The following NRG1 variants were observed in gnomAD, a reference collection of about 807,000 sequenced individuals.
NRG1 encodes the protein neuregulin 1, also known as pro-neuregulin-1, membrane-bound isoform.
A neutral mutation model predicts 63.8 loss-of-function variants in NRG1; 18 were observed. The ratio of observed to expected loss-of-function variants is 0.28; its 90% CI spans 0.19 to 0.42. The LOEUF (loss-of-function observed/expected upper bound fraction) is 0.42, where lower values mean the gene tolerates loss of function less well. Ranked by LOEUF, NRG1 falls within the 10% of genes least tolerant of loss-of-function variation. The pLI, the probability that NRG1 is intolerant of heterozygous loss-of-function variation, is 1.00. For synonymous variants in NRG1, 302 were observed against 301.3 expected (o/e 1.00, Z -0.02); for missense variants, 762 against 814.7 (o/e 0.94, Z 0.79).
chr8:32,128,212 C>T (rs560760489), intron 1 of NRG1, among the ~76,000 whole-genome samples: 2 of 151,890 alleles, frequency 1.3e-5, no homozygotes, highest in Admixed American at 6.6e-5. Flanking sequence ...TGTGTGCTTG[C>T]GGAGAAAAAG....
intron 1 of NRG1, among the ~76,000 whole-genome samples, chr8:31,885,579 C>A (rs547390976): frequency 6.6e-6 from 1 of 152,178 alleles, no homozygotes; most frequent in Admixed American, 6.6e-5. Flanking sequence ...TTCTGCTTCC[C>A]GCAGTGGCAC....
intron 5 of NRG1, among the ~76,000 whole-genome samples, chr8:32,707,724 G>A (rs975601681): frequency 4.1e-4 from 9 of 21,986 alleles, no homozygotes; most frequent in African/African-American, 8.5e-4. Flanking sequence ...GTGGCATTTT[G>A]AGATTTTTTT....
At chr8:32,209,712 CCCTTCCTTCCTTCCTTCCTT>C (rs200085311) in intron 1 of NRG1, among the ~76,000 whole-genome samples, 2,849 of 131,978 alleles carry the variant, frequency 0.022, 105 homozygotes, top group African/African-American at 0.075. Flanking sequence ...TTCTCTCTTT[CCCTTCCTTCCTTCCTTCCTT>C]CCTTCCTTCC....
intron 1 of NRG1, among the ~76,000 whole-genome samples, chr8:31,738,809 G>A (rs1171051636): frequency 6.6e-6 from 1 of 152,056 alleles, no homozygotes; most frequent in African/African-American, 2.4e-5. Context: ...GTGTCTCCCT[G>A]TATGTCTCTG....
chr8:32,246,025 T>C (rs750840086), intron 1 of NRG1, among the ~76,000 whole-genome samples: 8 of 152,166 alleles, frequency 5.3e-5, no homozygotes, highest in Non-Finnish European at 8.8e-5. Flanking sequence ...TAAATGAGCA[T>C]ACCTAATGTT....
At chr8:32,751,678 A>G (rs1828766060) in intron 7 of NRG1, among the ~76,000 whole-genome samples, 2 of 152,164 alleles carry the variant, frequency 1.3e-5, no homozygotes, top group African/African-American at 4.8e-5. Context: ...TCTGTATTCT[A>G]TGGGCCTTCG....
At chr8:32,296,876 G>A (rs1247054450) in intron 1 of NRG1, among the ~76,000 whole-genome samples, 71 of 152,020 alleles carry the variant, frequency 4.7e-4, no homozygotes, top group Admixed American at 4.6e-3. Flanking sequence ...CAACACTTTG[G>A]GAGGCCAAGG....
chr8:32,390,954 T>C (rs1027356062), intron 1 of NRG1, among the ~76,000 whole-genome samples: 1 of 152,238 alleles, frequency 6.6e-6, no homozygotes, highest in African/African-American at 2.4e-5. Flanking sequence ...TTCTGACAGC[T>C]ACTCCAAAGT....
intron 1 of NRG1, among the ~76,000 whole-genome samples, chr8:31,854,248 C>CT (rs987521866): frequency 4.9e-4 from 74 of 151,900 alleles, no homozygotes; most frequent in African/African-American, 1.8e-3. Context: ...GTCCTGGACT[C>CT]TTTTTGGTTG....
At chr8:32,024,987 C>A (rs1324769868) in intron 1 of NRG1, among the ~76,000 whole-genome samples, 1 of 152,108 alleles carries the variant, frequency 6.6e-6, no homozygotes, top group Non-Finnish European at 1.5e-5. Flanking sequence ...AATAAAATTT[C>A]TAGAAGGAAG....
chr8:32,388,187 CT>C (rs2129483780), intron 1 of NRG1, among the ~76,000 whole-genome samples: 1 of 152,244 alleles, frequency 6.6e-6, no homozygotes, highest in South Asian at 2.1e-4. Context: ...AGTATTACCC[CT>C]TATAGTAAGT....
intron 1 of NRG1, among the ~76,000 whole-genome samples, chr8:32,526,752 A>G (rs1178328632): frequency 6.6e-6 from 1 of 152,136 alleles, no homozygotes; most frequent in African/African-American, 2.4e-5. Context: ...CAACTGACAT[A>G]TTCTCTTCCT....
intron 1 of NRG1, among the ~76,000 whole-genome samples, chr8:32,029,888 AAT>A (rs1818000212): frequency 1.3e-5 from 2 of 152,130 alleles, no homozygotes; most frequent in African/African-American, 4.8e-5. Context: ...GATATAATCT[AAT>A]ATCTGGTATT....
intron 1 of NRG1, among the ~76,000 whole-genome samples, chr8:32,058,933 T>G (rs988289429): frequency 6.6e-6 from 1 of 152,068 alleles, no homozygotes; most frequent in Non-Finnish European, 1.5e-5. Flanking sequence ...TTGTTGATAT[T>G]TGCACGTTCT....
chr8:32,636,244 T>A (rs1214960138), intron 5 of NRG1, among the ~76,000 whole-genome samples: 1 of 152,160 alleles, frequency 6.6e-6, no homozygotes, highest in Non-Finnish European at 1.5e-5. Context: ...AGCATATGGT[T>A]GAAGCTCTGC....
At chr8:31,717,413 A>T (rs1473475798) in intron 1 of NRG1, among the ~76,000 whole-genome samples, 67 of 1,610 alleles carry the variant, frequency 0.042, no homozygotes, top group Admixed American at 0.071. Context: ...TCTCGACATT[A>T]AAAAAAAAAA....
At chr8:32,388,833 A>G (rs1359478432) in intron 1 of NRG1, among the ~76,000 whole-genome samples, 1 of 152,128 alleles carries the variant, frequency 6.6e-6, no homozygotes, top group East Asian at 1.9e-4. Context: ...TGGGGGGGAA[A>G]TAGGAATGAG....
At chr8:32,168,735 C>T (rs762274857) in intron 1 of NRG1, among the ~76,000 whole-genome samples, 2 of 152,170 alleles carry the variant, frequency 1.3e-5, no homozygotes, top group East Asian at 1.9e-4. Flanking sequence ...TGGCTGACCA[C>T]GTCACTTTCA....
chr8:31,738,931 A>G (rs1015898079), intron 1 of NRG1, among the ~76,000 whole-genome samples: 1 of 151,986 alleles, frequency 6.6e-6, no homozygotes, highest in African/African-American at 2.4e-5. Context: ...TCTGCCACAA[A>G]TTTATTTCCA....
Sources: gnomAD v4.1 joint callset for allele counts (sites outside exome capture counted in the v4.1 genomes callset) on GRCh38, gnomAD v4.1.1 for gene constraint, MANE v1.5 for transcripts, NCBI Gene and HGNC (gene_info 2026-07-23, HGNC 2026-07-21) for gene names.